Variants in ADD3 observed in about 807,000 individuals in gnomAD.
ADD3 encodes gamma-adducin.
ADD3 carries 25 observed loss-of-function variants against 80.2 expected under a neutral mutation model. The ratio of observed to expected loss-of-function variants is 0.31; its 90% CI spans 0.23 to 0.44. The LOEUF is 0.44. Ranked by LOEUF, ADD3 falls within the 20% of genes least tolerant of loss-of-function variation. The pLI is 1.00. For missense variants in ADD3, 829 were observed against 847.5 expected (o/e 0.98, Z 0.27); for synonymous variants, 284 against 289.6 (o/e 0.98, Z 0.20).
chr10:110,127,334 C>A (rs906866892), intron 12 of ADD3, among the ~76,000 whole-genome samples: 1 of 152,046 alleles, frequency 6.6e-6, no homozygotes, highest in East Asian at 1.9e-4. Context: ...ATTATAAAGT[C>A]CCGGCTGGGT....
chr10:110,108,263 A>C (rs950898381), intron 2 of ADD3, among the ~76,000 whole-genome samples: 3 of 152,140 alleles, frequency 2.0e-5, no homozygotes, highest in African/African-American at 4.8e-5. Context: ...CTGCCATTGC[A>C]GTCTAATGCT....
At position 110,100,725 on chromosome 10, in the gene ADD3, T is replaced by C. The variant is rs1349787738; in HGVS notation, c.72T>C (p.Tyr24=). ...CCAGCATGCCTCACAAAGAGAGATA[T>C]TTTGACCGCATCAATGAAAATGACC... The part of the protein sequence containing the change: ...PPPSMPHKER[Y]FDRINENDPE... The change falls in exon 2 of 15, where the codon TAT becomes TAC. Residue 24 remains tyrosine (Y), a synonymous_variant. Coordinates refer to ENST00000356080, the MANE Select transcript of ADD3 (RefSeq NM_016824.5). 2 of 1,613,996 alleles carry C rather than the reference T, an allele frequency of 1.2e-6. No individual in the cohort carries two copies. The highest frequency in any genetic ancestry group is 1.7e-6 in the Non-Finnish European group (2 of 1,179,948).
At chr10:110,049,177 A>G (rs529470168) in intron 1 of ADD3, among the ~76,000 whole-genome samples, 1 of 152,348 alleles carries the variant, frequency 6.6e-6, no homozygotes, top group East Asian at 1.9e-4. Flanking sequence ...GGAGTCAAGA[A>G]TTGAGGTTTG....
rs541798939 is a variant in ADD3 at position 110,116,343 on chromosome 10, A to G, written c.419A>G (p.Lys140Arg). 6.2e-7 allele frequency: 1 copy of G among 1,614,160 alleles called. No homozygotes were observed. The highest frequency in any genetic ancestry group is 1.3e-5 in the African/African-American group (1 of 75,048). Reference sequence around the variant, plus strand: ...AAGGGAGAAAAACTTACTCGCTGTAAACTTGCCAGCCTGTACAGACTTGTA... The same window carrying G: ...AAGGGAGAAAAACTTACTCGCTGTAGACTTGCCAGCCTGTACAGACTTGTA... ...YVKGEKLTRC[K>R]LASLYRLVDL... The change falls in exon 4 of 15, where the codon AAA becomes AGA. Residue 140 changes from lysine to arginine, a missense_variant. Physicochemically the swap from Lys to Arg is conservative, Grantham distance 26. Transcript: ENST00000356080.
Position 110,068,352 on chromosome 10 carries a change from C to T in ADD3, c.-29-32273C>T, listed in dbSNP as rs370127582. ...GTTGGCCCTCCACTTCTGAGGGTTTCGCATTCTCAGATTCAACCAACCACA... is the reference window on the plus strand; with the variant it reads ...GTTGGCCCTCCACTTCTGAGGGTTTTGCATTCTCAGATTCAACCAACCACA... On this transcript the variant is annotated intron_variant, in intron 1 of 14. Coordinates refer to ENST00000356080, the MANE Select transcript of ADD3 (RefSeq NM_016824.5). Among the ~76,000 whole-genome samples, 23 of 152,252 alleles carry T rather than the reference C, an allele frequency of 1.5e-4. No homozygotes were observed. The East Asian group carries it at 2.3e-3, about 15-fold the overall frequency.
At chr10:110,090,938 T>C (rs897499795) in intron 1 of ADD3, among the ~76,000 whole-genome samples, 2 of 152,184 alleles carry the variant, frequency 1.3e-5, no homozygotes, top group African/African-American at 2.4e-5. Context: ...TCCTGGACTT[T>C]ATATTGAGGT....
chr10:110,016,615 C>G (rs1288986011), intron 1 of ADD3: 1 of 152,164 alleles, frequency 6.6e-6, no homozygotes, highest in African/African-American at 2.4e-5. Context: ...ATTTGCCTAA[C>G]TGGAGGTAAG....
chr10:110,007,663 C>A (rs1016114282), upstream of ADD3, among the ~76,000 whole-genome samples: 3 of 152,286 alleles, frequency 2.0e-5, no homozygotes, highest in East Asian at 3.9e-4. Context: ...CAGGCCCTCC[C>A]GGCTGCCGGG....
At chr10:110,030,954 A>C (rs962908995) in intron 1 of ADD3, among the ~76,000 whole-genome samples, 2 of 151,484 alleles carry the variant, frequency 1.3e-5, no homozygotes, top group Admixed American at 1.3e-4. Flanking sequence ...GTGACTCCTG[A>C]CCAGCTTCTT....
intron 1 of ADD3, among the ~76,000 whole-genome samples, chr10:110,065,836 G>A (rs751206471): frequency 1.5e-4 from 22 of 151,690 alleles, no homozygotes; most frequent in East Asian, 1.4e-3. Flanking sequence ...CACGGCGCCC[G>A]ACCTCTTTTA....
chr10:110,028,283 A>C (rs1009993555), intron 1 of ADD3, among the ~76,000 whole-genome samples: 1 of 152,254 alleles, frequency 6.6e-6, no homozygotes, highest in African/African-American at 2.4e-5. Flanking sequence ...TATATTAAAC[A>C]AACAGCCTGG....
chr10:110,048,709 A>T (rs1211219134), intron 1 of ADD3, among the ~76,000 whole-genome samples: 1 of 152,218 alleles, frequency 6.6e-6, no homozygotes, highest in Non-Finnish European at 1.5e-5. Flanking sequence ...TTTCTAAATA[A>T]CAAAGCATTC....
intron 1 of ADD3, among the ~76,000 whole-genome samples, chr10:110,047,536 AT>A (rs1564889012): frequency 6.6e-6 from 1 of 152,192 alleles, no homozygotes; most frequent in Non-Finnish European, 1.5e-5. Context: ...GGCCTAGATA[AT>A]TTTTTAATGT....
intron 1 of ADD3, among the ~76,000 whole-genome samples, chr10:110,040,955 T>TCTCGCTCTCTCTCTCTCTCG (rs1564879723): frequency 3.7e-5 from 1 of 27,132 alleles, no homozygotes; most frequent in Non-Finnish European, 1.4e-4. Context: ...GCTCTCTCTG[T>TCTCGCTCTCTCTCTCTCTCG]CTCTCTCTGT....
intron 1 of ADD3, among the ~76,000 whole-genome samples, chr10:110,044,973 C>G (rs371566423): frequency 6.6e-6 from 1 of 152,218 alleles, no homozygotes; most frequent in African/African-American, 2.4e-5. Context: ...AGTTCCAGAC[C>G]TGAGGAAGAA....
chr10:110,061,739 G>A (rs935586406), intron 1 of ADD3, among the ~76,000 whole-genome samples: 1 of 152,120 alleles, frequency 6.6e-6, no homozygotes, highest in African/African-American at 2.4e-5. Flanking sequence ...TTCTACACTA[G>A]ACCCATTATA....
At chr10:110,055,397 G>A (rs1221994918) in intron 1 of ADD3, among the ~76,000 whole-genome samples, 1 of 152,150 alleles carries the variant, frequency 6.6e-6, no homozygotes, top group Non-Finnish European at 1.5e-5. Context: ...CATGTTTTGG[G>A]ATGAGTACTG....
chr10:110,068,423 C>A (rs1025845167), intron 1 of ADD3, among the ~76,000 whole-genome samples: 4 of 152,184 alleles, frequency 2.6e-5, no homozygotes, highest in Non-Finnish European at 5.9e-5. Flanking sequence ...ACTTACATAG[C>A]ATTTACATTG....
intron 1 of ADD3, among the ~76,000 whole-genome samples, chr10:109,999,410 C>T (rs527312067): frequency 6.6e-6 from 1 of 152,274 alleles, no homozygotes; most frequent in South Asian, 2.1e-4. Flanking sequence ...TCGTTTTTCC[C>T]CCATTAAAGT....
Sources: gnomAD v4.1 joint callset for allele counts (sites outside exome capture counted in the v4.1 genomes callset) on GRCh38, gnomAD v4.1.1 for gene constraint, MANE v1.5 for transcripts, NCBI Gene and HGNC (gene_info 2026-07-23, HGNC 2026-07-21) for gene names.